The following IFFO1 variants were observed in gnomAD, a reference collection of about 807,000 sequenced individuals.
The protein encoded by IFFO1 is non-homologous end joining factor IFFO1.
A neutral mutation model predicts 59.6 loss-of-function variants in IFFO1; 42 were observed. The ratio of observed to expected loss-of-function variants is 0.70; its 90% confidence interval spans 0.55 to 0.91. The LOEUF (loss-of-function observed/expected upper bound fraction) is 0.91, where lower values mean the gene tolerates loss of function less well. IFFO1 is among the 40% of genes least tolerant of loss of function. The probability of loss-of-function intolerance (pLI) is 0.00; values close to 1 mark genes in which losing one functional copy is unlikely to be tolerated. For missense variants in IFFO1, 711 were observed against 793.2 expected (o/e 0.90, Z 1.24); for synonymous variants, 336 against 342.8 (o/e 0.98, Z 0.22).
At chr12:6,550,819 T>C in intron 2 of IFFO1, 29 bp from the exon 3 acceptor site, 1 of 1,609,314 alleles carries the variant, frequency 6.2e-7, no homozygotes, top group Non-Finnish European at 8.5e-7. Context: ...CTGATGTTGG[T>C]GGCACTGCCG....
rs1373216959 is a variant in IFFO1 at position 6,555,936 on chromosome 12, A to G, written c.94T>C (p.Phe32Leu). The stretch of plus-strand genomic sequence containing the variant: ...GGGGGCAAGTCTCCTCCCCCGGCGA[A>G]GTGGTCGCCTCCCAGTGAGTCCCCC... ...PLGDSLGGDHFAGGGDLPPAP... is the reference protein window; with the variant it reads ...PLGDSLGGDHLAGGGDLPPAP... The change falls in exon 1 of 10, where the codon TTC (phenylalanine) becomes CTC (leucine). Residue 32 changes from phenylalanine (F) to leucine (L), a missense_variant. Around this residue, in one of 3 missense-constraint regions of IFFO1, gnomAD observed 114 missense variants for 102.4 expected, o/e 1.11. Transcript: ENST00000619571. This position sits in a 1 kb window ranked among gnomAD's most constrained non-coding sequence, Gnocchi z 8.6. 1.3e-6 allele frequency: 2 copies of G among 1,551,320 alleles called. No homozygotes were observed. Among genetic ancestry groups the G allele is most frequent in the Admixed American group, 3.9e-5 (2 of 51,384 alleles).
rs553949308 is a variant in IFFO1 at position 6,552,579 on chromosome 12, G to A, written c.774-1578C>T. 1.6e-4 allele frequency among the ~76,000 whole-genome samples: 24 copies of A among 152,270 alleles called. No homozygotes were observed. In the East Asian group the frequency reaches 2.9e-3, roughly 18 times the overall value. On this transcript the variant is annotated intron_variant, in intron 1 of 9. Coordinates refer to ENST00000619571, the MANE Select transcript of IFFO1 (RefSeq NM_001193457.2). ...GGCATGAACTGTGGTGCCCTCATGC[G>A]CCGGGAGCCCACGAGTCCCTGGAGG...
At position 6,547,999 on chromosome 12, in the gene IFFO1, T is replaced by A. The variant is rs964926454; in HGVS notation, c.1479+66A>T. The A allele has an allele frequency of 2.5e-6, 3 of 1,192,482 alleles. No individual in the cohort carries two copies. In the Admixed American group the frequency reaches 5.1e-5, roughly 20 times the overall value. 73.9% of individuals were successfully genotyped at this position (1,192,482 alleles called of 1,614,324 possible). A position where few individuals can be genotyped will look rare whatever the true frequency, so the allele number is the denominator to read the frequency against. On this transcript the variant is annotated intron_variant, in intron 8 of 9. Transcript: ENST00000619571. Reference sequence around the variant, plus strand: ...GGTCCTGCAGCAGGGATGAGGCCACTGCGCCTGCAGCCCCACTCAAAACCC... The same window carrying A: ...GGTCCTGCAGCAGGGATGAGGCCACAGCGCCTGCAGCCCCACTCAAAACCC...
Position 6,541,661 on chromosome 12 carries a change from G to A in IFFO1, c.1480-19C>T, listed in dbSNP as rs1189602350. 1.9e-6 allele frequency: 3 copies of A among 1,613,630 alleles called. No homozygotes were observed. The highest frequency in any genetic ancestry group is 2.5e-6 in the Non-Finnish European group (3 of 1,179,974). On this transcript the variant is annotated intron_variant, in intron 8 of 9. Coordinates refer to ENST00000619571, the MANE Select transcript of IFFO1 (RefSeq NM_001193457.2). The surrounding 1 kb of genome is among the most constrained non-coding windows in gnomAD (Gnocchi z 4.8). ...ACTCCAGCTGTGGTGGGGCAGGCAG[G>A]GCCATCGGGGTTAACAGGTGGCGTT...
At chr12:6,545,272 C>A (rs1946900883) in intron 8 of IFFO1, among the ~76,000 whole-genome samples, 1 of 152,046 alleles carries the variant, frequency 6.6e-6, no homozygotes, top group Non-Finnish European at 1.5e-5. Context: ...TCTCCTTATC[C>A]ACTGGTTTCA....
In IFFO1 at chr12:6,548,973, A is replaced by G. The variant is rs996144091; in HGVS notation, c.1081-124T>C. The G allele has an allele frequency of 1.3e-6, 1 of 798,482 alleles. No homozygotes were observed. Among genetic ancestry groups the G allele is most frequent in the Non-Finnish European group, 2.0e-6 (1 of 505,684 alleles). 49.5% of individuals were successfully genotyped at this position (798,482 alleles called of 1,614,324 possible). A position where few individuals can be genotyped will look rare whatever the true frequency, so the allele number is the denominator to read the frequency against. ...GGGGGCAGACAGAGAGAAAAGTCACAGTTACAATGACAGGAACAGAAACAC... is the reference window on the plus strand; with the variant it reads ...GGGGGCAGACAGAGAGAAAAGTCACGGTTACAATGACAGGAACAGAAACAC... On this transcript the variant is annotated intron_variant, in intron 5 of 9. Coordinates refer to ENST00000619571, the MANE Select transcript of IFFO1 (RefSeq NM_001193457.2). The surrounding 1 kb of genome is among the most constrained non-coding windows in gnomAD (Gnocchi z 6.1).
intron 8 of IFFO1, among the ~76,000 whole-genome samples, chr12:6,543,268 A>G (rs1281448647): frequency 6.6e-6 from 1 of 152,150 alleles, no homozygotes; most frequent in Non-Finnish European, 1.5e-5. Flanking sequence ...CCTAATGCAG[A>G]AGTCCCCAAA....
chr12:6,551,434 C>G, intron 1 of IFFO1: 3 of 1,297,538 alleles, frequency 2.3e-6, no homozygotes, highest in Non-Finnish European at 3.0e-6. Flanking sequence ...GCCTCCTGCC[C>G]GCACCAGAAC....
At chr12:6,554,219 C>T (rs1947345378) in intron 1 of IFFO1, among the ~76,000 whole-genome samples, 2 of 152,142 alleles carry the variant, frequency 1.3e-5, no homozygotes, top group South Asian at 4.1e-4. Flanking sequence ...GCTGAATCTC[C>T]GCCACACTGG....
rs1191493191 is a variant in IFFO1 at position 6,539,692 on chromosome 12, G to C, written c.*791C>G. On this transcript the variant is annotated 3_prime_UTR_variant, in exon 10 of 10. Transcript: ENST00000619571. Reference sequence around the variant, plus strand: ...AGCCTGTTGGTCTCAGTGTATGACAGACACGGAGGAAGCACATCTTTAGCT... The same window carrying C: ...AGCCTGTTGGTCTCAGTGTATGACACACACGGAGGAAGCACATCTTTAGCT... The C allele has an allele frequency of 1.3e-5, 2 of 152,280 alleles. No individual in the cohort carries two copies. The highest frequency in any genetic ancestry group is 4.8e-5 in the African/African-American group (2 of 41,446). The allele number at this position is 152,280 out of a possible 1,614,324, so 9.4% of individuals were successfully genotyped here. A position where few individuals can be genotyped will look rare whatever the true frequency, so the allele number is the denominator to read the frequency against.
Position 6,548,639 on chromosome 12 carries a change from T to G in IFFO1, c.1262+29A>C. 3 of 1,613,936 alleles carry G rather than the reference T, an allele frequency of 1.9e-6. No homozygotes were observed. The highest frequency in any genetic ancestry group is 2.5e-6 in the Non-Finnish European group (3 of 1,179,908). ...GCCTCCTGGGCTGCTGTGGCGTCGG[T>G]GCTGCGGGAGCACGGCCTGCGGACT... On this transcript the variant is annotated intron_variant, in intron 6 of 9. Transcript: ENST00000619571. This position sits in a 1 kb window ranked among gnomAD's most constrained non-coding sequence, Gnocchi z 6.1.
In IFFO1 at chr12:6,550,783, T is replaced by C; in HGVS notation, c.842A>G (p.Gln281Arg). Residue 281 changes from glutamine (Q) to arginine (R), a missense_variant, in exon 3 of 10, where the codon CAG becomes CGG. By Grantham distance (43) the Gln-to-Arg change is conservative. This residue lies in a region of IFFO1 where 579 missense variants were observed against 650.3 expected (regional missense o/e 0.89). Coordinates refer to ENST00000619571, the MANE Select transcript of IFFO1 (RefSeq NM_001193457.2). ...DRVNELQEEA[Q>R]EADACQEELA... ...CTCCTCCTGGCAGGCATCAGCCTCC[T>C]GGGCTTCCTGCAGTTGGGAGAAACC... 6.2e-7 allele frequency: 1 copy of C among 1,614,088 alleles called. No individual in the cohort carries two copies. Among genetic ancestry groups the C allele is most frequent in the Middle Eastern group, 1.6e-4 (1 of 6,062 alleles).
Position 6,555,261 on chromosome 12 carries a change from G to GC in IFFO1, c.768dup (p.Arg257AlafsTer19), listed in dbSNP as rs1947383700. On this transcript the variant is annotated frameshift_variant, in exon 1 of 10. Transcript: ENST00000619571. LOFTEE classifies it high-confidence loss of function. This position sits in a 1 kb window ranked among gnomAD's most constrained non-coding sequence, Gnocchi z 8.6. ...TCCCCCTTTCCCAATCCCTACCTCC[G>GC]CTTGTACTCGTCCCGCTCCCGCTTC... is the stretch of plus-strand genomic sequence containing the variant. The GC allele has an allele frequency of 1.2e-6, 2 of 1,613,854 alleles. No homozygotes were observed. Among genetic ancestry groups the GC allele is most frequent in the African/African-American group, 2.7e-5 (2 of 74,870 alleles).
chr12:6,545,930 G>A (rs1344395600), intron 8 of IFFO1, among the ~76,000 whole-genome samples: 1 of 152,176 alleles, frequency 6.6e-6, no homozygotes, highest in Non-Finnish European at 1.5e-5. Context: ...ATGTGAAAGA[G>A]AAGCCAAAAT....
intron 3 of IFFO1, 116 bp from the exon 4 acceptor site, chr12:6,550,012 G>T: frequency 8.9e-7 from 1 of 1,125,528 alleles, no homozygotes; most frequent in Non-Finnish European, 1.3e-6. Context: ...CTCTTCTGTG[G>T]AGTCTCCCTG....
chr12:6,541,471 G>T lies in IFFO1; in HGVS notation c.1610+41C>A. On this transcript the variant is annotated intron_variant, in intron 9 of 9. Transcript: ENST00000619571. The surrounding 1 kb of genome is among the most constrained non-coding windows in gnomAD (Gnocchi z 4.8). ...CTGTGTTCCAACCTTTCTCCCCGCT[G>T]TGTCCCCCTGGAAGGCCCCATGCCC... The T allele has an allele frequency of 1.2e-5, 20 of 1,608,944 alleles. No homozygotes were observed. Among genetic ancestry groups the T allele is most frequent in the Non-Finnish European group, 1.7e-5 (20 of 1,179,298 alleles).
rs1405587469 is a variant in IFFO1, at chr12:6,555,591, C to T, written c.439G>A (p.Ala147Thr). Residue 147 changes from alanine to threonine, a missense_variant, in exon 1 of 10, where the codon GCT becomes ACT. Ala to Thr is a moderately conservative substitution (Grantham distance 58). Around this residue, in one of 3 missense-constraint regions of IFFO1, gnomAD observed 579 missense variants for 650.3 expected, o/e 0.89. Transcript: ENST00000619571. The surrounding 1 kb of genome is among the most constrained non-coding windows in gnomAD (Gnocchi z 8.6). ...ACGCGCGCCGAAGGGCTGCAGACAG[C>T]GGCCGGCCGGGCGCCCAGCTGCAGC... ...LGLQLGARPA[A>T]VCSPSARVLG... The T allele has an allele frequency of 1.4e-6, 2 of 1,408,524 alleles. No homozygotes were observed. The highest frequency in any genetic ancestry group is 1.6e-5 in the South Asian group (1 of 62,114). 87.3% of individuals were successfully genotyped at this position (1,408,524 alleles called of 1,614,324 possible).
rs748525534 is a variant in IFFO1 at position 6,549,764 on chromosome 12, T to C, written c.1063A>G (p.Met355Val). The stretch of plus-strand genomic sequence containing the variant: ...GGCAGCTCCGTCCTCACCTGGAACA[T>C]CTGGATCATGTCCTCGCAGTTGCGC... ...QQRNCEDMIQ[M>V]FQKKLSLHLS... The change falls in exon 4 of 10, where the codon ATG becomes GTG. Residue 355 changes from methionine to valine, a missense_variant. Transcript: ENST00000619571. The surrounding 1 kb of genome is among the most constrained non-coding windows in gnomAD (Gnocchi z 5.0). 1 of 1,613,432 alleles carries C rather than the reference T, an allele frequency of 6.2e-7. No homozygotes were observed. The highest frequency in any genetic ancestry group is 1.1e-5 in the South Asian group (1 of 91,064).
chr12:6,548,807 G>A lies in IFFO1; in HGVS notation c.1123C>T (p.Arg375Trp), dbSNP rs371982613. Residue 375 changes from arginine to tryptophan, a missense_variant, in exon 6 of 10, where the codon CGG (arginine) becomes TGG (tryptophan). Physicochemically the swap from Arg to Trp is moderately radical, Grantham distance 101. Around this residue, in one of 3 missense-constraint regions of IFFO1, gnomAD observed 579 missense variants for 650.3 expected, o/e 0.89. Transcript: ENST00000619571. The surrounding 1 kb of genome is among the most constrained non-coding windows in gnomAD (Gnocchi z 6.1). ...SPIKVPSMGG[R>W]KRERKAAVEE... ...ACGGCAGCCTTGCGCTCCCGCTTCC[G>A]CCCCCCCATGGATGGGACCTTAATG... 19 of 1,612,808 alleles carry A rather than the reference G, an allele frequency of 1.2e-5. No individual in the cohort carries two copies. The highest frequency in any genetic ancestry group is 2.2e-5 in the East Asian group (1 of 44,864).
Sources: gnomAD v4.1 joint callset for allele counts (sites outside exome capture counted in the v4.1 genomes callset) on GRCh38, gnomAD v4.1.1 for gene constraint, gnomAD v4.1.1 regional missense constraint, Gnocchi (gnomAD v3.1) non-coding constraint, MANE v1.5 for transcripts, NCBI Gene and HGNC (gene_info 2026-07-23, HGNC 2026-07-21) for gene names.